The following NANOG variants were observed in gnomAD, a reference collection of about 807,000 sequenced individuals.
NANOG encodes the protein Nanog homeobox, also known as homeobox protein NANOG.
Under a neutral mutation model 17.7 loss-of-function variants are expected in NANOG, and 2 were observed. The ratio of observed to expected loss-of-function variants is 0.11; its 90% CI spans 0.05 to 0.36. The LOEUF is 0.36. NANOG is among the 10% of genes least tolerant of loss of function. NANOG has a pLI of 1.00. For missense variants in NANOG, 174 were observed against 362.1 expected (o/e 0.48, Z 4.22); for synonymous variants, 81 against 124.7 (o/e 0.65, Z 2.33).
At chr12:7,793,914 C>T (rs12424079) in intron 2 of NANOG, among the ~76,000 whole-genome samples, 74,815 of 151,572 alleles carry the variant, frequency 0.49, 19,951 homozygotes, top group Non-Finnish European at 0.58. Context: ...GCTAATTTTA[C>T]TGTATTTTTT....
rs182340161 is a variant in NANOG, at chr12:7,793,266, T to A, written c.414+54T>A. The A allele has an allele frequency of 1.5e-5, 23 of 1,571,208 alleles. No individual in the cohort carries two copies. In the East Asian group the frequency reaches 5.2e-4, roughly 35 times the overall value. The stretch of plus-strand genomic sequence containing the variant: ...TGAACAAAAATTGGACTAATTTGCA[T>A]GGCTAAGACCTCTGTGGATGCATGT... On this transcript the variant is annotated intron_variant, in intron 2 of 3. Transcript: ENST00000229307.
Position 7,793,225 on chromosome 12 carries a change from T to C in NANOG, c.414+13T>C, listed in dbSNP as rs750191118. On this transcript the variant is annotated intron_variant, in intron 2 of 3. Transcript: ENST00000229307. ...CAGCTACAAACAGGTAGGCTTGTTTTGTCCTTGGAATAAGGTGAACAAAAA... is the reference window on the plus strand; with the variant it reads ...CAGCTACAAACAGGTAGGCTTGTTTCGTCCTTGGAATAAGGTGAACAAAAA... The C allele has an allele frequency of 6.2e-7, 1 of 1,613,518 alleles. No homozygotes were observed. The highest frequency in any genetic ancestry group is 8.5e-7 in the Non-Finnish European group (1 of 1,179,666).
At chr12:7,793,440 C>A (rs1162416960) in intron 2 of NANOG, among the ~76,000 whole-genome samples, 1 of 152,232 alleles carries the variant, frequency 6.6e-6, no homozygotes, top group Middle Eastern at 3.4e-3. Context: ...CTTGCACAGA[C>A]CAATATTGTG....
In NANOG at chr12:7,798,563, T is replaced by A. The variant is rs1259886359; in HGVS notation, c.*3468T>A. 1 of 152,226 alleles carries A rather than the reference T, an allele frequency of 6.6e-6. No individual in the cohort carries two copies. The highest frequency in any genetic ancestry group is 1.5e-5 in the Non-Finnish European group (1 of 68,052). 9.4% of individuals were successfully genotyped at this position (152,226 alleles called of 1,614,324 possible). A position where few individuals can be genotyped will look rare whatever the true frequency, so the allele number is the denominator to read the frequency against. Reference sequence around the variant, plus strand: ...CATTATTTTGATTTCTCAGCTTTCATTTTCATTTCAGTTTGTACCTGAAGG... The same window carrying A: ...CATTATTTTGATTTCTCAGCTTTCAATTTCATTTCAGTTTGTACCTGAAGG... On this transcript the variant is annotated 3_prime_UTR_variant, in exon 4 of 4. Coordinates refer to ENST00000229307, the MANE Select transcript of NANOG (RefSeq NM_024865.4).
In NANOG at chr12:7,796,960, C is replaced by G. The variant is rs1236571140; in HGVS notation, c.*1865C>G. On this transcript the variant is annotated 3_prime_UTR_variant, in exon 4 of 4. Coordinates refer to ENST00000229307, the MANE Select transcript of NANOG (RefSeq NM_024865.4). ...TATTTTTAGTAGAGACAGGGTTTCA[C>G]TATGTTGGCCAGGCTGGTCTTGAAC... 6.6e-6 allele frequency: 1 copy of G among 152,172 alleles called. No individual in the cohort carries two copies. The highest frequency in any genetic ancestry group is 6.6e-5 in the Admixed American group (1 of 15,234). The allele number at this position is 152,172 out of a possible 1,614,324, so 9.4% of individuals were successfully genotyped here.
In NANOG at chr12:7,789,453, C is replaced by T; in HGVS notation, c.-162C>T. The T allele has an allele frequency of 4.8e-6, 3 of 624,488 alleles. No homozygotes were observed. Among genetic ancestry groups the T allele is most frequent in the Non-Finnish European group, 8.4e-6 (3 of 355,372 alleles). 38.7% of individuals were successfully genotyped at this position (624,488 alleles called of 1,614,324 possible). On this transcript the variant is annotated 5_prime_UTR_variant, in exon 1 of 4. Coordinates refer to ENST00000229307, the MANE Select transcript of NANOG (RefSeq NM_024865.4). ...ACGTTCTGCTGGACTGAGCTGGTTG[C>T]CTCATGTTATTATGCAGGCAACTCA...
At chr12:7,791,602 C>T (rs1240423783) in intron 1 of NANOG, among the ~76,000 whole-genome samples, 1 of 151,992 alleles carries the variant, frequency 6.6e-6, no homozygotes, top group African/African-American at 2.4e-5. Flanking sequence ...AGAGCCTGTC[C>T]CTTTGTTATG....
chr12:7,792,339 T>C (rs11611389), intron 1 of NANOG, among the ~76,000 whole-genome samples: 75,279 of 151,978 alleles, frequency 0.5, 20,169 homozygotes, highest in Non-Finnish European at 0.59. Flanking sequence ...TAACACCCAG[T>C]GTGGGAGCTT....
intron 2 of NANOG, 91 bp downstream of exon 2, chr12:7,793,303 CTA>C (rs1862869266): frequency 2.4e-6 from 3 of 1,251,524 alleles, no homozygotes; most frequent in African/African-American, 1.5e-5. Flanking sequence ...GATGTGTGTA[CTA>C]TGTGTCCGTA....
rs1230497910 is a variant in NANOG at position 7,795,360 on chromosome 12, C to T, written c.*265C>T. On this transcript the variant is annotated 3_prime_UTR_variant, in exon 4 of 4. Transcript: ENST00000229307. ...TTTTTGAAACGGAGTCTTGCTCTGTCGCCCAGGCTGGAGTGCAGTGGCGCG... is the reference window on the plus strand; with the variant it reads ...TTTTTGAAACGGAGTCTTGCTCTGTTGCCCAGGCTGGAGTGCAGTGGCGCG... 1.5e-5 allele frequency: 5 copies of T among 325,550 alleles called. No homozygotes were observed. Among genetic ancestry groups the T allele is most frequent in the Admixed American group, 5.1e-5 (1 of 19,470 alleles). 20.2% of individuals were successfully genotyped at this position (325,550 alleles called of 1,614,324 possible).
chr12:7,796,061 A>C lies in NANOG; in HGVS notation c.*966A>C, dbSNP rs1862925867. Reference sequence around the variant, plus strand: ...TGAGTAAATATACAGCTTAAACATAAATCTTTGTTAAATTTTTGGTTGGGG... The same window carrying C: ...TGAGTAAATATACAGCTTAAACATACATCTTTGTTAAATTTTTGGTTGGGG... On this transcript the variant is annotated 3_prime_UTR_variant, in exon 4 of 4. Coordinates refer to ENST00000229307, the MANE Select transcript of NANOG (RefSeq NM_024865.4). 2 of 152,214 alleles carry C rather than the reference A, an allele frequency of 1.3e-5. No individual in the cohort carries two copies. Among genetic ancestry groups the C allele is most frequent in the Non-Finnish European group, 1.5e-5 (1 of 68,042 alleles). 9.4% of individuals were successfully genotyped at this position (152,214 alleles called of 1,614,324 possible). A position where few individuals can be genotyped will look rare whatever the true frequency, so the allele number is the denominator to read the frequency against.
In NANOG at chr12:7,798,987, C is replaced by G. The variant is rs1428633221; in HGVS notation, c.*3892C>G. The stretch of plus-strand genomic sequence containing the variant: ...AGGAAGTTAGTTCGACTAAGGATAC[C>G]GAAATGTAGGAATTTGAATGGGTTC... On this transcript the variant is annotated 3_prime_UTR_variant, in exon 4 of 4. Coordinates refer to ENST00000229307, the MANE Select transcript of NANOG (RefSeq NM_024865.4). 1.3e-5 allele frequency: 2 copies of G among 149,638 alleles called. No individual in the cohort carries two copies. The highest frequency in any genetic ancestry group is 4.9e-5 in the African/African-American group (2 of 40,484). 9.3% of individuals were successfully genotyped at this position (149,638 alleles called of 1,614,324 possible). A position where few individuals can be genotyped will look rare whatever the true frequency, so the allele number is the denominator to read the frequency against.
chr12:7,789,874 A>G (rs1174970897), intron 1 of NANOG, 109 bp downstream of exon 1: 23 of 1,102,926 alleles, frequency 2.1e-5, no homozygotes, highest in Non-Finnish European at 2.7e-5. Flanking sequence ...CCATTACTAT[A>G]AAGAAGTGTT....
In NANOG at chr12:7,794,691, C is replaced by G; in HGVS notation, c.514C>G (p.Pro172Ala). The change falls in exon 4 of 4, where the codon CCT becomes GCT. Residue 172 changes from proline to alanine, a missense_variant. Pro to Ala is a conservative substitution (Grantham distance 27). Transcript: ENST00000229307. ...SNGVTQKASA[P>A]TYPSLYSSYH... ...CCTTCTCTTTCAGAAGGCCTCAGCA[C>G]CTACCTACCCCAGCCTTTACTCTTC... 6.2e-7 allele frequency: 1 copy of G among 1,609,604 alleles called. No individual in the cohort carries two copies. The highest frequency in any genetic ancestry group is 8.5e-7 in the Non-Finnish European group (1 of 1,177,444).
chr12:7,792,225 C>T (rs1272280956), intron 1 of NANOG, among the ~76,000 whole-genome samples: 1 of 152,158 alleles, frequency 6.6e-6, no homozygotes, highest in African/African-American at 2.4e-5. Context: ...TCCCCAGAAT[C>T]ATGGCATTTA....
At position 7,798,597 on chromosome 12, in the gene NANOG, A is replaced by T. The variant is rs1053121377; in HGVS notation, c.*3502A>T. 2 of 152,122 alleles carry T rather than the reference A, an allele frequency of 1.3e-5. No homozygotes were observed. Among genetic ancestry groups the T allele is most frequent in the Non-Finnish European group, 2.9e-5 (2 of 68,040 alleles). 9.4% of individuals were successfully genotyped at this position (152,122 alleles called of 1,614,324 possible). ...CAGTTTGTACCTGAAGGAGAGAAGCATGGATTGAATTTGCCTGGGTTTTCC... is the reference window on the plus strand; with the variant it reads ...CAGTTTGTACCTGAAGGAGAGAAGCTTGGATTGAATTTGCCTGGGTTTTCC... On this transcript the variant is annotated 3_prime_UTR_variant, in exon 4 of 4. Coordinates refer to ENST00000229307, the MANE Select transcript of NANOG (RefSeq NM_024865.4).
Position 7,798,590 on chromosome 12 carries a change from G to A in NANOG, c.*3495G>A, listed in dbSNP as rs1183017809. The A allele has an allele frequency of 6.6e-6, 1 of 152,082 alleles. No homozygotes were observed. The allele number at this position is 152,082 out of a possible 1,614,324, so 9.4% of individuals were successfully genotyped here. On this transcript the variant is annotated 3_prime_UTR_variant, in exon 4 of 4. Coordinates refer to ENST00000229307, the MANE Select transcript of NANOG (RefSeq NM_024865.4). ...TTCATTTCAGTTTGTACCTGAAGGA[G>A]AGAAGCATGGATTGAATTTGCCTGG...
At chr12:7,794,307 A>G in intron 2 of NANOG, 150 bp from the exon 3 acceptor site, 1 of 685,000 alleles carries the variant, frequency 1.5e-6, no homozygotes, top group Admixed American at 2.8e-5. Context: ...TCCTGGGCTC[A>G]AGCAATCTGC....
intron 2 of NANOG, among the ~76,000 whole-genome samples, chr12:7,793,642 A>G (rs2120570626): frequency 6.6e-6 from 1 of 151,876 alleles, no homozygotes; most frequent in South Asian, 2.1e-4. Flanking sequence ...ATTGTTTATT[A>G]CTTGTTGGCC....
Sources: gnomAD v4.1 joint callset for allele counts (sites outside exome capture counted in the v4.1 genomes callset) on GRCh38, gnomAD v4.1.1 for gene constraint, MANE v1.5 for transcripts, NCBI Gene and HGNC (gene_info 2026-07-23, HGNC 2026-07-21) for gene names.